The following RETREG1 variants were observed in gnomAD, a reference collection of about 807,000 sequenced individuals.
RETREG1 encodes the protein family with sequence similarity 134 member B.
Under a neutral mutation model 54.8 loss-of-function variants are expected in RETREG1, and 44 were observed. The observed-to-expected ratio is 0.80, with a 90% CI of 0.63 to 1.03. The LOEUF is 1.03. Ranked by LOEUF, RETREG1 falls within the 50% of genes least tolerant of loss-of-function variation. RETREG1 has a pLI of 0.00. For missense variants in RETREG1, 554 were observed against 605.1 expected, an observed-to-expected ratio of 0.92 and a Z score of 0.89; for synonymous variants, 217 against 238.5, an observed-to-expected ratio of 0.91 and a Z score of 0.83.
chr5:16,508,969 T>A (rs1740078431), intron 3 of RETREG1: 1 of 1,052,062 alleles, frequency 9.5e-7, no homozygotes. Flanking sequence ...TGAGAAGGTG[T>A]CCCCGCTCAG....
rs1226189051 is a variant in RETREG1, at chr5:16,594,694, CAG to C, written c.320+21956_320+21957del. Reference sequence around the variant, plus strand: ...AAGCCAAGATTGCACCACTGCACTCCAGCCTGGGCAACAGAGCAAGACTCCAA... The same window carrying C: ...AAGCCAAGATTGCACCACTGCACTCCCCTGGGCAACAGAGCAAGACTCCAA... On this transcript the variant is annotated intron_variant, in intron 1 of 8. Coordinates refer to ENST00000306320, the MANE Select transcript of RETREG1 (RefSeq NM_001034850.3). The surrounding 1 kb of genome is among the most constrained non-coding windows in gnomAD (Gnocchi z 4.4). Among the ~76,000 whole-genome samples the C allele has an allele frequency of 6.6e-6, 1 of 152,154 alleles. No homozygotes were observed. Among genetic ancestry groups the C allele is most frequent in the Admixed American group, 6.5e-5 (1 of 15,286 alleles).
intron 1 of RETREG1, among the ~76,000 whole-genome samples, chr5:16,592,585 A>G (rs1742803643): frequency 6.6e-6 from 1 of 152,220 alleles, no homozygotes; most frequent in Non-Finnish European, 1.5e-5. Flanking sequence ...TTCTATCATA[A>G]AGGTGCATGC....
chr5:16,492,229 T>TCTCACACA (rs1406702350), intron 3 of RETREG1, among the ~76,000 whole-genome samples: 75 of 110,638 alleles, frequency 6.8e-4, no homozygotes, highest in Admixed American at 3.2e-3. Context: ...TCTCTCTCTC[T>TCTCACACA]CACACACACA....
At chr5:16,486,497 T>C (rs34673182) in intron 3 of RETREG1, among the ~76,000 whole-genome samples, 7,858 of 152,328 alleles carry the variant, frequency 0.052, 283 homozygotes, top group Middle Eastern at 0.082. Context: ...TAATTTGTCA[T>C]GAGACGGGAC....
At chr5:16,556,768 C>A (rs1304601453) in intron 3 of RETREG1, among the ~76,000 whole-genome samples, 1 of 152,082 alleles carries the variant, frequency 6.6e-6, no homozygotes, top group Non-Finnish European at 1.5e-5. Flanking sequence ...CAATCAGGTA[C>A]GGGTCTGAAA....
intron 2 of RETREG1, among the ~76,000 whole-genome samples, chr5:16,571,278 G>A (rs1323815379): frequency 6.6e-6 from 1 of 152,178 alleles, no homozygotes; most frequent in African/African-American, 2.4e-5. Flanking sequence ...CATTTGGGGT[G>A]CATTTAGTGA....
intron 1 of RETREG1, chr5:16,616,264 T>C (rs35002): frequency 0.77 from 159,994 of 206,718 alleles, 62,357 homozygotes; most frequent in South Asian, 0.87. Context: ...CTGCTGGGGC[T>C]GCAAGAACCA....
rs546119235 is a variant in RETREG1, at chr5:16,526,581, A to C, written c.458+39182T>G. Among the ~76,000 whole-genome samples the C allele has an allele frequency of 6.6e-5, 10 of 152,340 alleles. 1 individual carries two copies. In the South Asian group the frequency reaches 2.1e-3, roughly 32 times the overall value. On this transcript the variant is annotated intron_variant, in intron 3 of 8. Transcript: ENST00000306320. ...AACTTAATAAGGTAGTAGCATAATT[A>C]AGAAGACAGTGACAGAAGGAGATGA...
At chr5:16,477,142 C>T (rs1244688514) in intron 8 of RETREG1, among the ~76,000 whole-genome samples, 1 of 151,930 alleles carries the variant, frequency 6.6e-6, no homozygotes, top group Non-Finnish European at 1.5e-5. Context: ...ATTTTGTTTT[C>T]AAAATAAAGG....
rs914941073 is a variant in RETREG1, at chr5:16,561,089, G to A, written c.458+4674C>T. Among the ~76,000 whole-genome samples the A allele has an allele frequency of 2.6e-5, 4 of 152,166 alleles. No homozygotes were observed. The highest frequency in any genetic ancestry group is 4.4e-5 in the Non-Finnish European group (3 of 68,034). ...ATTAACCAGATGAAAACCTGAGGCC[G>A]AAAGAGAAGTGAAGTTGGCAGGACC... On this transcript the variant is annotated intron_variant, in intron 3 of 8. Transcript: ENST00000306320. This position sits in a 1 kb window ranked among gnomAD's most constrained non-coding sequence, Gnocchi z 4.2.
Position 16,517,442 on chromosome 5 carries a change from G to A in RETREG1, c.459-33970C>T, listed in dbSNP as rs140561288. 8.5e-5 allele frequency among the ~76,000 whole-genome samples: 13 copies of A among 152,272 alleles called. 1 individual carries two copies. Among genetic ancestry groups the A allele is most frequent in the African/African-American group, 1.9e-4 (8 of 41,544 alleles). ...ATGGAGCTGGCTCCTAGAATACAGC[G>A]TATTAATATTATTTTTAGATTATCT... is the stretch of plus-strand genomic sequence containing the variant. On this transcript the variant is annotated intron_variant, in intron 3 of 8. Coordinates refer to ENST00000306320, the MANE Select transcript of RETREG1 (RefSeq NM_001034850.3).
chr5:16,567,126 T>C (rs573755055), intron 2 of RETREG1, among the ~76,000 whole-genome samples: 27 of 152,300 alleles, frequency 1.8e-4, no homozygotes, highest in African/African-American at 5.5e-4. Flanking sequence ...CTGTAGTCAT[T>C]GAGCATGGAC....
rs1056863965 is a variant in RETREG1, at chr5:16,616,784, C to A, written c.188G>T (p.Arg63Leu). ...CAGCCAGGTTACCGCGGCCGCCGCC[C>A]GGCCCGCGGCCTCCTCCACCTGCAA... Reference protein sequence around the residue: ...AGLQVEEAAGRAAAAVTWLLG... With the variant: ...AGLQVEEAAGLAAAAVTWLLG... Residue 63 changes from arginine (R) to leucine (L), a missense_variant, in exon 1 of 9, where the codon CGG becomes CTG. Around this residue, in one of 4 missense-constraint regions of RETREG1, gnomAD observed 175 missense variants for 142.1 expected, o/e 1.23. Transcript: ENST00000306320. 1.3e-6 allele frequency: 2 copies of A among 1,529,688 alleles called. No homozygotes were observed. Among genetic ancestry groups the A allele is most frequent in the African/African-American group, 1.4e-5 (1 of 71,438 alleles). The allele number at this position is 1,529,688 out of a possible 1,614,324, so 94.8% of individuals were successfully genotyped here.
chr5:16,601,674 G>T (rs1418171085), intron 1 of RETREG1, among the ~76,000 whole-genome samples: 1 of 152,170 alleles, frequency 6.6e-6, no homozygotes, highest in Non-Finnish European at 1.5e-5. Flanking sequence ...GCGATTATAG[G>T]CGTGAGCCAC....
intron 1 of RETREG1, among the ~76,000 whole-genome samples, chr5:16,613,854 AAAG>A (rs1743417238): frequency 6.6e-6 from 1 of 152,238 alleles, no homozygotes; most frequent in East Asian, 1.9e-4. Flanking sequence ...TACATTATTT[AAAG>A]AAAACGTAAT....
intron 3 of RETREG1, among the ~76,000 whole-genome samples, chr5:16,542,701 G>T (rs928776557): frequency 1.3e-5 from 2 of 152,210 alleles, no homozygotes; most frequent in African/African-American, 2.4e-5. Flanking sequence ...TCAGCAATGT[G>T]AAAGGATGTC....
intron 1 of RETREG1, among the ~76,000 whole-genome samples, chr5:16,589,081 G>A (rs1286803865): frequency 1.3e-5 from 2 of 152,154 alleles, no homozygotes; most frequent in East Asian, 3.9e-4. Flanking sequence ...CATTCCTTTA[G>A]TATCTAGAGC....
rs1742615140 is a variant in RETREG1 at position 16,585,966 on chromosome 5, G to C, written c.321-13864C>G. 6.6e-6 allele frequency among the ~76,000 whole-genome samples: 1 copy of C among 152,044 alleles called. No individual in the cohort carries two copies. The highest frequency in any genetic ancestry group is 6.6e-5 in the Admixed American group (1 of 15,260). On this transcript the variant is annotated intron_variant, in intron 1 of 8. Transcript: ENST00000306320. The surrounding 1 kb of genome is among the most constrained non-coding windows in gnomAD (Gnocchi z 4.5). ...CACCACACCCCACCTCCAACACTGG[G>C]GATCACATTGCAGCCTGAGATCTGG...
At chr5:16,535,207 G>A (rs141785086) in intron 3 of RETREG1, among the ~76,000 whole-genome samples, 2,179 of 152,156 alleles carry the variant, frequency 0.014, 44 homozygotes, top group African/African-American at 0.048. Context: ...CAGATTTTCC[G>A]TCCGCTCGCT....
Sources: allele counts gnomAD v4.1 joint callset (sites outside exome capture counted in the v4.1 genomes callset), GRCh38; gene constraint gnomAD v4.1.1; regional missense constraint gnomAD v4.1.1; non-coding constraint Gnocchi (gnomAD v3.1); transcripts MANE v1.5; gene names NCBI Gene and HGNC (gene_info 2026-07-23, HGNC 2026-07-21).